IPO7: variants seen among roughly 807,000 people sequenced by gnomAD.
IPO7 encodes the protein importin 7.
Under a neutral mutation model 136.4 loss-of-function variants are expected in IPO7, and 13 were observed. That is an observed-to-expected ratio of 0.10 (90% CI 0.06 to 0.15). The LOEUF is 0.15. Ranked by LOEUF, IPO7 falls within the 10% of genes least tolerant of loss-of-function variation. The pLI is 1.00. For missense variants in IPO7, 857 were observed against 1,240.6 expected (o/e 0.69, Z 4.65); for synonymous variants, 403 against 404.4 (o/e 1.00, Z 0.04).
At chr11:9,416,848 A>G (rs1322756422) in intron 5 of IPO7, among the ~76,000 whole-genome samples, 1 of 152,224 alleles carries the variant, frequency 6.6e-6, no homozygotes, top group East Asian at 1.9e-4. Flanking sequence ...CCTTATGGTG[A>G]AAATAAAATA....
At chr11:9,430,758 G>A in intron 15 of IPO7, 117 bp from the exon 16 acceptor site, 1 of 748,958 alleles carries the variant, frequency 1.3e-6, no homozygotes, top group Non-Finnish European at 2.2e-6. Flanking sequence ...AATCAATTTG[G>A]AGACATTGAT....
At chr11:9,439,853 G>A (rs980930148) in intron 22 of IPO7, among the ~76,000 whole-genome samples, 7 of 152,174 alleles carry the variant, frequency 4.6e-5, no homozygotes, top group Admixed American at 6.5e-5. Context: ...GATTACAGGC[G>A]TGAGCCACCG....
Position 9,408,541 on chromosome 11 carries a change from AC to A in IPO7, c.224del (p.Pro75GlnfsTer22). 1 of 1,607,600 alleles carries A rather than the reference AC, an allele frequency of 6.2e-7. No homozygotes were observed. The highest frequency in any genetic ancestry group is 1.3e-5 in the African/African-American group (1 of 74,660). The stretch of plus-strand genomic sequence containing the variant: ...AGTATTGGCCTGATCGAGAAACAGC[AC>A]CAGGGGATATATCCCCTTATACTAT... The part of the protein sequence containing the change: ...TQYWPDRETA[P>X]GDISPYTIPE... On this transcript the variant is annotated frameshift_variant, in exon 3 of 25. Coordinates refer to ENST00000379719, the MANE Select transcript of IPO7 (RefSeq NM_006391.3). LOFTEE classifies it high-confidence loss of function.
At chr11:9,412,772 C>CA (rs1377641897) in intron 4 of IPO7, among the ~76,000 whole-genome samples, 1 of 151,494 alleles carries the variant, frequency 6.6e-6, no homozygotes, top group Non-Finnish European at 1.5e-5. Flanking sequence ...GTTGAGGCTT[C>CA]AGTGAGCCAT....
chr11:9,421,134 A>G (rs921563436), intron 8 of IPO7, among the ~76,000 whole-genome samples: 2 of 151,436 alleles, frequency 1.3e-5, no homozygotes, highest in African/African-American at 4.9e-5. Context: ...GCTAATTTTG[A>G]ATTTTTAGTA....
At chr11:9,423,967 C>A in intron 10 of IPO7, 91 bp downstream of exon 10, 1 of 687,036 alleles carries the variant, frequency 1.5e-6, no homozygotes, top group Admixed American at 2.6e-5. Flanking sequence ...TATTATGTAT[C>A]TTCTTTGTTG....
At chr11:9,400,934 C>A (rs1046907519) in intron 1 of IPO7, among the ~76,000 whole-genome samples, 2 of 151,910 alleles carry the variant, frequency 1.3e-5, no homozygotes, top group East Asian at 2.0e-4. Flanking sequence ...GTAATCCCAG[C>A]ACTTCAGGAA....
intron 2 of IPO7, 190 bp downstream of exon 2, chr11:9,403,561 A>G: frequency 1.9e-6 from 1 of 516,720 alleles, no homozygotes; most frequent in East Asian, 3.3e-5. Flanking sequence ...ATAATTTGAC[A>G]TTTAGTTGAA....
chr11:9,409,329 G>A (rs1854935871), intron 3 of IPO7, among the ~76,000 whole-genome samples: 1 of 152,008 alleles, frequency 6.6e-6, no homozygotes, highest in Non-Finnish European at 1.5e-5. Flanking sequence ...CGCTGGTCTG[G>A]AACACCTGAC....
intron 1 of IPO7, among the ~76,000 whole-genome samples, chr11:9,391,806 C>A (rs1231619317): frequency 6.6e-6 from 1 of 152,202 alleles, no homozygotes; most frequent in South Asian, 2.1e-4. Flanking sequence ...CACACTGTTA[C>A]CCAGGCTGGA....
chr11:9,421,027 C>T (rs892311122), intron 8 of IPO7, among the ~76,000 whole-genome samples: 6 of 151,936 alleles, frequency 3.9e-5, no homozygotes, highest in East Asian at 3.9e-4. Context: ...GGCGTAATCT[C>T]GGCTCACTGC....
chr11:9,406,199 G>T (rs1854885174), intron 2 of IPO7, among the ~76,000 whole-genome samples: 1 of 146,032 alleles, frequency 6.8e-6, no homozygotes, highest in African/African-American at 2.6e-5. Flanking sequence ...AGCTTTACAG[G>T]CGTTAGCCAC....
intron 1 of IPO7, among the ~76,000 whole-genome samples, chr11:9,392,935 A>G (rs1470810350): frequency 6.9e-6 from 1 of 144,052 alleles, no homozygotes; most frequent in African/African-American, 2.7e-5. Flanking sequence ...GGCGACAGCA[A>G]GACTCTGTCT....
intron 1 of IPO7, among the ~76,000 whole-genome samples, chr11:9,401,251 C>T (rs1387075513): frequency 1.3e-5 from 2 of 150,834 alleles, no homozygotes; most frequent in Non-Finnish European, 3.0e-5. Flanking sequence ...TAGAAAAATA[C>T]TTGAGCTAAA....
At chr11:9,437,156 G>T (rs1028841267) in intron 20 of IPO7, among the ~76,000 whole-genome samples, 1 of 151,506 alleles carries the variant, frequency 6.6e-6, no homozygotes, top group African/African-American at 2.4e-5. Context: ...AAAAGTGCTG[G>T]GATCGCAGGC....
intron 19 of IPO7, 90 bp from the exon 20 acceptor site, chr11:9,436,181 C>T: frequency 1.2e-6 from 1 of 801,474 alleles, no homozygotes; most frequent in Non-Finnish European, 2.1e-6. Context: ...TACTCAGAGC[C>T]TGTACACAGG....
chr11:9,390,767 T>TAGGGAG (rs1854617899), intron 1 of IPO7, among the ~76,000 whole-genome samples: 4 of 278 alleles, frequency 0.014, no homozygotes, highest in South Asian at 0.25. Flanking sequence ...CTGGGCAACA[T>TAGGGAG]ACAAAAAAAA....
chr11:9,416,376 C>G (rs528171165), intron 5 of IPO7, among the ~76,000 whole-genome samples: 2 of 152,260 alleles, frequency 1.3e-5, no homozygotes, highest in African/African-American at 4.8e-5. Context: ...AAACACTAGT[C>G]TTTTCAATAT....
intron 24 of IPO7, among the ~76,000 whole-genome samples, chr11:9,444,582 C>T (rs1855502434): frequency 1.3e-5 from 2 of 151,352 alleles, no homozygotes; most frequent in Non-Finnish European, 2.9e-5. Flanking sequence ...AGGCTGGTCT[C>T]AAAAACTCCT....
Sources: gnomAD v4.1 joint callset for allele counts (sites outside exome capture counted in the v4.1 genomes callset) on GRCh38, gnomAD v4.1.1 for gene constraint, MANE v1.5 for transcripts, NCBI Gene and HGNC (gene_info 2026-07-23, HGNC 2026-07-21) for gene names.